Variants in PIWIL4 observed in about 807,000 individuals in gnomAD.
PIWIL4 encodes piwi like RNA-mediated gene silencing 4.
In PIWIL4, 50 loss-of-function variants were observed where a neutral mutation model predicts 100.9. That is an observed-to-expected ratio of 0.50 (90% CI 0.39 to 0.63). PIWIL4 has a LOEUF of 0.63. Among genes scored for constraint, PIWIL4 ranks in the 20% least tolerant of loss-of-function variants. The pLI is 0.00. For synonymous variants in PIWIL4, 342 were observed against 367.5 expected, an observed-to-expected ratio of 0.93 and a Z score of 0.79; for missense variants, 887 against 1,043.3, an observed-to-expected ratio of 0.85 and a Z score of 2.06.
chr11:94,568,194 G>T (rs1184090321), intron 1 of PIWIL4, among the ~76,000 whole-genome samples: 2 of 152,050 alleles, frequency 1.3e-5, no homozygotes, highest in African/African-American at 4.8e-5. Flanking sequence ...CTCATGAAGT[G>T]GTCTTCTCTG....
intron 10 of PIWIL4, among the ~76,000 whole-genome samples, chr11:94,596,570 T>G (rs147191973): frequency 1.3e-5 from 2 of 152,192 alleles, no homozygotes; most frequent in African/African-American, 4.8e-5. Context: ...TGATCTCTAT[T>G]ATCATGCTAG....
chr11:94,605,746 G>A (rs694731), intron 13 of PIWIL4, among the ~76,000 whole-genome samples: 72,723 of 151,822 alleles, frequency 0.48, 18,587 homozygotes, highest in African/African-American at 0.67. Context: ...CCATTTATTC[G>A]TTTGTTTCTT....
chr11:94,612,686 CT>C (rs1948800435), intron 15 of PIWIL4, among the ~76,000 whole-genome samples: 1 of 151,976 alleles, frequency 6.6e-6, no homozygotes, highest in Non-Finnish European at 1.5e-5. Context: ...ACTCCTTTCT[CT>C]TTTTTGTTTT....
chr11:94,605,346 T>C (rs116161551), intron 13 of PIWIL4, among the ~76,000 whole-genome samples: 307 of 152,322 alleles, frequency 2.0e-3, no homozygotes, highest in African/African-American at 7.0e-3. Context: ...ACTAGTTATT[T>C]TGTATAACGT....
intron 17 of PIWIL4, 36 bp downstream of exon 17, chr11:94,618,143 T>C (rs771946046): frequency 2.0e-6 from 3 of 1,513,852 alleles, no homozygotes; most frequent in African/African-American, 1.4e-5. Context: ...ATACTCCCAA[T>C]TATAGCATAT....
chr11:94,588,716 G>C (rs948752641), intron 7 of PIWIL4, among the ~76,000 whole-genome samples: 1 of 152,156 alleles, frequency 6.6e-6, no homozygotes, highest in Admixed American at 6.6e-5. Context: ...GCCTTCTTTT[G>C]GTGCTTTTTT....
At chr11:94,573,886 A>C (rs1180319303) in intron 2 of PIWIL4, among the ~76,000 whole-genome samples, 1 of 152,064 alleles carries the variant, frequency 6.6e-6, no homozygotes, top group Non-Finnish European at 1.5e-5. Flanking sequence ...CAAAATGGAA[A>C]CTCTGTACTC....
chr11:94,571,633 G>T (rs560851205), intron 2 of PIWIL4, among the ~76,000 whole-genome samples: 23 of 152,190 alleles, frequency 1.5e-4, no homozygotes, highest in Non-Finnish European at 2.9e-4. Flanking sequence ...TTTTATGGCA[G>T]CATAGTATTC....
In PIWIL4 at chr11:94,587,146, G is replaced by T. The variant is rs751974915; in HGVS notation, c.813G>T (p.Glu271Asp). Reference sequence around the variant, plus strand: ...TGAGTTACAAAGTCCTCCGGAATGAGACGGTTCTGGAATTCATGACTGCTC... The same window carrying T: ...TGAGTTACAAAGTCCTCCGGAATGATACGGTTCTGGAATTCATGACTGCTC... ...ADVSYKVLRN[E>D]TVLEFMTALC... Residue 271 changes from glutamate (E) to aspartate (D), a missense_variant, in exon 7 of 20, where the codon GAG (glutamate) becomes GAT (aspartate). Glu to Asp is a conservative substitution (Grantham distance 45). Coordinates refer to ENST00000299001, the MANE Select transcript of PIWIL4 (RefSeq NM_152431.3). The T allele has an allele frequency of 5.6e-6, 9 of 1,614,126 alleles. No individual in the cohort carries two copies. In the East Asian group the frequency reaches 2.0e-4, roughly 36 times the overall value.
In PIWIL4 at chr11:94,588,098, G is replaced by A. The variant is rs182611719; in HGVS notation, c.914+851G>A. 1.3e-3 allele frequency among the ~76,000 whole-genome samples: 202 copies of A among 152,148 alleles called. 2 individuals are homozygous for A. The highest frequency in any genetic ancestry group is 4.6e-3 in the African/African-American group (192 of 41,514). On this transcript the variant is annotated intron_variant, in intron 7 of 19. Transcript: ENST00000299001. Reference sequence around the variant, plus strand: ...GCATGCATTAGCTATTTTTCAGAATGCTCTCCCTCCCCCCGACCCTATCAC... The same window carrying A: ...GCATGCATTAGCTATTTTTCAGAATACTCTCCCTCCCCCCGACCCTATCAC...
intron 15 of PIWIL4, among the ~76,000 whole-genome samples, chr11:94,613,954 G>A (rs571202391): frequency 2.1e-4 from 32 of 151,960 alleles, no homozygotes; most frequent in Non-Finnish European, 3.8e-4. Context: ...AGTAGAGAGG[G>A]GGTTTCACTG....
intron 15 of PIWIL4, among the ~76,000 whole-genome samples, chr11:94,613,549 C>G (rs1948810260): frequency 6.6e-6 from 1 of 152,182 alleles, no homozygotes; most frequent in Non-Finnish European, 1.5e-5. Context: ...AGCTTTCCAC[C>G]TATCTCTGTT....
At chr11:94,579,123 A>G (rs966326863) in intron 4 of PIWIL4, among the ~76,000 whole-genome samples, 8 of 152,246 alleles carry the variant, frequency 5.3e-5, no homozygotes, top group African/African-American at 1.9e-4. Flanking sequence ...CTTTAAATTA[A>G]TTCTACCTTT....
At chr11:94,620,198 G>A in intron 19 of PIWIL4, 54 bp downstream of exon 19, 2 of 1,500,950 alleles carry the variant, frequency 1.3e-6, no homozygotes, top group South Asian at 1.3e-5. Flanking sequence ...GTCCCACCTA[G>A]GAATTATCAT....
rs1465467583 is a variant in PIWIL4, at chr11:94,574,993, T to G, written c.167-6T>G. On this transcript the variant is annotated splice_region_variant and splice_polypyrimidine_tract_variant and intron_variant, in intron 2 of 19. Transcript: ENST00000299001. Reference sequence around the variant, plus strand: ...TAGCTGTTACCACATTCTCTTCATGTTTTAGATAAATATGGGATATCTTCT... The same window carrying G: ...TAGCTGTTACCACATTCTCTTCATGGTTTAGATAAATATGGGATATCTTCT... 6.2e-7 allele frequency: 1 copy of G among 1,611,284 alleles called. No individual in the cohort carries two copies. The highest frequency in any genetic ancestry group is 1.7e-5 in the Admixed American group (1 of 59,942).
chr11:94,590,864 C>T (rs1016078732), intron 8 of PIWIL4, among the ~76,000 whole-genome samples: 29 of 152,112 alleles, frequency 1.9e-4, no homozygotes, highest in Non-Finnish European at 2.2e-4. Context: ...GATCCCTCAC[C>T]CTCACAGCCA....
chr11:94,602,477 A>G (rs78394560), intron 12 of PIWIL4, among the ~76,000 whole-genome samples: 1,967 of 152,356 alleles, frequency 0.013, 17 homozygotes, highest in Non-Finnish European at 0.021. Context: ...GAGTTTTCTG[A>G]TAAGACTAAG....
At chr11:94,572,438 T>C (rs1423307395) in intron 2 of PIWIL4, among the ~76,000 whole-genome samples, 1 of 152,266 alleles carries the variant, frequency 6.6e-6, no homozygotes, top group East Asian at 1.9e-4. Flanking sequence ...GATTTAAGTC[T>C]TTAATCCATC....
intron 9 of PIWIL4, 136 bp from the exon 10 acceptor site, chr11:94,595,173 A>T (rs515115): frequency 0.18 from 112,654 of 631,354 alleles, 13,846 homozygotes; most frequent in African/African-American, 0.44. Context: ...TTAAAATGAC[A>T]TACGTGGTTT....
Sources: allele counts gnomAD v4.1 joint callset (sites outside exome capture counted in the v4.1 genomes callset), GRCh38; gene constraint gnomAD v4.1.1; transcripts MANE v1.5; gene names NCBI Gene and HGNC (gene_info 2026-07-23, HGNC 2026-07-21).